ZBTB20: variants seen among roughly 807,000 people sequenced by gnomAD.
ZBTB20 encodes the protein zinc finger and BTB domain-containing protein 20.
A neutral mutation model predicts 56.9 loss-of-function variants in ZBTB20; 9 were observed. That is an observed-to-expected ratio of 0.16 (90% CI 0.10 to 0.28). The LOEUF (loss-of-function observed/expected upper bound fraction) is 0.28, where lower values mean the gene tolerates loss of function less well. Among genes scored for constraint, ZBTB20 ranks in the 10% least tolerant of loss-of-function variants. The pLI is 1.00. For synonymous variants in ZBTB20, 417 were observed against 420.7 expected (o/e 0.99, Z 0.11); for missense variants, 655 against 1,003.0 (o/e 0.65, Z 4.69).
At chr3:115,098,896 GTTA>G (rs1012552243) in intron 1 of ZBTB20, among the ~76,000 whole-genome samples, 3 of 152,112 alleles carry the variant, frequency 2.0e-5, no homozygotes, top group Non-Finnish European at 4.4e-5. Context: ...AAAGATGACT[GTTA>G]TTATCAAAGA....
chr3:114,595,999 G>A (rs1185741177), intron 6 of ZBTB20, among the ~76,000 whole-genome samples: 1 of 152,094 alleles, frequency 6.6e-6, no homozygotes, highest in East Asian at 1.9e-4. Flanking sequence ...GAGTAGGGAG[G>A]ACAACTGAGA....
At chr3:114,868,114 A>C (rs2075843233) in intron 4 of ZBTB20, among the ~76,000 whole-genome samples, 1 of 152,220 alleles carries the variant, frequency 6.6e-6, no homozygotes, top group Non-Finnish European at 1.5e-5. Context: ...CAGCTGGGAC[A>C]AGAAGGAAAA....
At chr3:114,773,276 A>C in intron 5 of ZBTB20, among the ~76,000 whole-genome samples, 1 of 152,190 alleles carries the variant, frequency 6.6e-6, no homozygotes, top group African/African-American at 2.4e-5. Context: ...GTCAAATAAT[A>C]AATTTGTATT....
intron 6 of ZBTB20, among the ~76,000 whole-genome samples, chr3:114,577,362 T>C (rs2107445447): frequency 6.6e-6 from 1 of 152,006 alleles, no homozygotes; most frequent in South Asian, 2.1e-4. Flanking sequence ...ATCTGCGAAG[T>C]GCAATAAAGC....
rs185536944 is a variant in ZBTB20, at chr3:114,671,512, C to T, written c.-295+22016G>A. 4.1e-3 allele frequency among the ~76,000 whole-genome samples: 617 copies of T among 152,046 alleles called. 2 individuals carry two copies. Among genetic ancestry groups the T allele is most frequent in the African/African-American group, 0.014 (573 of 41,488 alleles). On this transcript the variant is annotated intron_variant, in intron 6 of 11. Coordinates refer to ENST00000675478, the MANE Select transcript of ZBTB20 (RefSeq NM_001348800.3). The stretch of plus-strand genomic sequence containing the variant: ...GAGAAAGATACAAAATGTGCTTTTA[C>T]AAGGATATCATATCAATTATATTTT...
chr3:114,532,667 TCCCTGACCCCCATGCCTC>T (rs2047993488), intron 6 of ZBTB20, among the ~76,000 whole-genome samples: 3 of 152,066 alleles, frequency 2.0e-5, no homozygotes, highest in Non-Finnish European at 4.4e-5. Flanking sequence ...CTCAAGTGGG[TCCCTGACCCCCATGCCTC>T]CTCACTGGGA....
At chr3:114,733,609 C>G (rs1227920564) in intron 5 of ZBTB20, among the ~76,000 whole-genome samples, 1 of 152,192 alleles carries the variant, frequency 6.6e-6, no homozygotes, top group Non-Finnish European at 1.5e-5. Context: ...TTTTCTACCT[C>G]TATGCCCTCT....
intron 6 of ZBTB20, among the ~76,000 whole-genome samples, chr3:114,554,306 G>A (rs1208258711): frequency 6.6e-6 from 1 of 152,156 alleles, no homozygotes; most frequent in Non-Finnish European, 1.5e-5. Flanking sequence ...TCTTTGTAAG[G>A]AGATGAGGTA....
chr3:115,145,360 G>C (rs886840728), intron 1 of ZBTB20, among the ~76,000 whole-genome samples: 2 of 152,184 alleles, frequency 1.3e-5, no homozygotes, highest in Admixed American at 6.5e-5. Context: ...GTATCCATGG[G>C]AGATTGGTTC....
intron 7 of ZBTB20, among the ~76,000 whole-genome samples, chr3:114,437,495 G>C (rs192952062): frequency 6.6e-6 from 1 of 152,104 alleles, no homozygotes; most frequent in African/African-American, 2.4e-5. Context: ...AAAGAAGGAG[G>C]AGGAAGAGGT....
At chr3:114,512,863 C>T (rs1406331492) in intron 6 of ZBTB20, among the ~76,000 whole-genome samples, 1 of 152,136 alleles carries the variant, frequency 6.6e-6, no homozygotes, top group South Asian at 2.1e-4. Flanking sequence ...GTCTCCCAGA[C>T]GTAGTACTCA....
intron 3 of ZBTB20, among the ~76,000 whole-genome samples, chr3:114,915,468 T>C (rs1027989971): frequency 6.6e-6 from 1 of 151,970 alleles, no homozygotes; most frequent in Admixed American, 6.6e-5. Context: ...CTATCTTTTT[T>C]TCTGTCAATT....
chr3:114,929,835 C>T (rs923492847), intron 3 of ZBTB20, among the ~76,000 whole-genome samples: 2 of 152,190 alleles, frequency 1.3e-5, no homozygotes, highest in African/African-American at 2.4e-5. Context: ...AGTATTTTAA[C>T]TCCTTCCTTT....
chr3:114,875,174 T>C (rs2076148053), intron 4 of ZBTB20, among the ~76,000 whole-genome samples: 1 of 152,202 alleles, frequency 6.6e-6, no homozygotes. Context: ...ATTAGCACTT[T>C]GCATAATTAA....
intron 6 of ZBTB20, among the ~76,000 whole-genome samples, chr3:114,580,917 A>G (rs1278503727): frequency 2.0e-5 from 3 of 151,960 alleles, no homozygotes; most frequent in African/African-American, 4.8e-5. Flanking sequence ...AAATTCAGCA[A>G]GACTTTTGCC....
intron 6 of ZBTB20, among the ~76,000 whole-genome samples, chr3:114,652,518 G>T (rs922451137): frequency 2.6e-5 from 4 of 151,866 alleles, no homozygotes; most frequent in African/African-American, 9.7e-5. Flanking sequence ...TAAATAACTA[G>T]GAATGTAATT....
chr3:115,134,878 C>A (rs2084613029), intron 1 of ZBTB20, among the ~76,000 whole-genome samples: 2 of 152,200 alleles, frequency 1.3e-5, no homozygotes, highest in Admixed American at 6.5e-5. Flanking sequence ...AGGTAAACAG[C>A]CTGTCAGTTC....
chr3:114,528,035 A>AT (rs899545618), intron 6 of ZBTB20, among the ~76,000 whole-genome samples: 3 of 149,430 alleles, frequency 2.0e-5, no homozygotes, highest in African/African-American at 4.9e-5. Flanking sequence ...GATAAAAGTG[A>AT]TTTCACTACA....
At chr3:114,356,398 T>C (rs2081259427) in intron 10 of ZBTB20, among the ~76,000 whole-genome samples, 2 of 152,184 alleles carry the variant, frequency 1.3e-5, no homozygotes, top group South Asian at 2.1e-4. Context: ...TGAAATCCAG[T>C]TCTTTCTCAA....
Sources: gnomAD v4.1 joint callset for allele counts (sites outside exome capture counted in the v4.1 genomes callset) on GRCh38, gnomAD v4.1.1 for gene constraint, MANE v1.5 for transcripts, NCBI Gene and HGNC (gene_info 2026-07-23, HGNC 2026-07-21) for gene names.